Variants in NUP54 observed in about 807,000 individuals in gnomAD.
NUP54 encodes nucleoporin 54, also known as nucleoporin p54.
NUP54 carries 27 observed loss-of-function variants against 66.4 expected under a neutral mutation model. That is an observed-to-expected ratio of 0.41 (90% CI 0.30 to 0.56). The LOEUF (loss-of-function observed/expected upper bound fraction) is 0.56, where lower values mean the gene tolerates loss of function less well. Among genes scored for constraint, NUP54 ranks in the 20% least tolerant of loss-of-function variants. The pLI, the probability that NUP54 is intolerant of heterozygous loss-of-function variation, is 0.34. For synonymous variants in NUP54, 206 were observed against 210.7 expected (o/e 0.98, Z 0.19); for missense variants, 486 against 596.3 (o/e 0.82, Z 1.93).
rs934179774 is a variant in NUP54, at chr4:76,114,730, A to C, written c.*636T>G. 12 of 150,772 alleles carry C rather than the reference A, an allele frequency of 8.0e-5. No homozygotes were observed. Among genetic ancestry groups the C allele is most frequent in the Non-Finnish European group, 1.5e-4 (10 of 67,550 alleles). The allele number at this position is 150,772 out of a possible 1,614,324, so 9.3% of individuals were successfully genotyped here. A position where few individuals can be genotyped will look rare whatever the true frequency, so the allele number is the denominator to read the frequency against. On this transcript the variant is annotated 3_prime_UTR_variant, in exon 12 of 12. Transcript: ENST00000264883. Reference sequence around the variant, plus strand: ...TCTTTTTAGAAATAAAAAGGCTTAAAAAACAAAATGGTTGCAAAAATGGTT... The same window carrying C: ...TCTTTTTAGAAATAAAAAGGCTTAACAAACAAAATGGTTGCAAAAATGGTT...
Position 76,134,156 on chromosome 4 carries a change from T to C in NUP54, c.710+19A>G. 6.5e-7 allele frequency: 1 copy of C among 1,539,776 alleles called. No homozygotes were observed. Among genetic ancestry groups the C allele is most frequent in the South Asian group, 1.1e-5 (1 of 88,464 alleles). On this transcript the variant is annotated intron_variant, in intron 5 of 11. Transcript: ENST00000264883. Reference sequence around the variant, plus strand: ...GAAATAAATACACAGAAATAAACAGTATATTTATGTATACTTACTGATCAT... The same window carrying C: ...GAAATAAATACACAGAAATAAACAGCATATTTATGTATACTTACTGATCAT...
chr4:76,145,485 A>G, intron 1 of NUP54: 2 of 851,830 alleles, frequency 2.3e-6, no homozygotes, highest in Non-Finnish European at 3.1e-6. Context: ...TGTCTAAATT[A>G]ACTTATATTT....
chr4:76,129,326 TAAC>T (rs1452602988), intron 8 of NUP54, among the ~76,000 whole-genome samples: 1 of 152,108 alleles, frequency 6.6e-6, no homozygotes, highest in Non-Finnish European at 1.5e-5. Context: ...CAATCCTATA[TAAC>T]AACAGCCCTT....
chr4:76,143,959 A>G (rs971220364), intron 3 of NUP54, among the ~76,000 whole-genome samples, 190 bp downstream of exon 3: 1 of 152,230 alleles, frequency 6.6e-6, no homozygotes, highest in African/African-American at 2.4e-5. Context: ...GGGACCTTAT[A>G]ATCCTAACTG....
At chr4:76,136,464 A>G (rs763966132) in intron 3 of NUP54, 52 bp from the exon 4 acceptor site, 1 of 1,479,408 alleles carries the variant, frequency 6.8e-7, no homozygotes, top group Non-Finnish European at 9.4e-7. Context: ...ACAAAACTTA[A>G]TCCAGATCCT....
At chr4:76,128,919 C>T (rs111476942) in intron 8 of NUP54, among the ~76,000 whole-genome samples, 9 of 152,222 alleles carry the variant, frequency 5.9e-5, no homozygotes, top group African/African-American at 2.2e-4. Context: ...ATAGTGGCTA[C>T]TAGAGGTGGA....
intron 9 of NUP54, among the ~76,000 whole-genome samples, chr4:76,123,017 T>C (rs888666902): frequency 1.3e-5 from 2 of 152,226 alleles, no homozygotes; most frequent in African/African-American, 2.4e-5. Flanking sequence ...CAAACCCATA[T>C]AGGCAAAACT....
At chr4:76,122,820 G>C (rs1730293785) in intron 9 of NUP54, among the ~76,000 whole-genome samples, 1 of 152,090 alleles carries the variant, frequency 6.6e-6, no homozygotes, top group East Asian at 1.9e-4. Flanking sequence ...CATCAATTGA[G>C]TAAAATGTGG....
At chr4:76,122,077 T>C (rs1730259615) in intron 9 of NUP54, among the ~76,000 whole-genome samples, 1 of 152,238 alleles carries the variant, frequency 6.6e-6, no homozygotes, top group Non-Finnish European at 1.5e-5. Context: ...TTGCTATTCA[T>C]TTTTGGTTAC....
chr4:76,132,039 A>C (rs1346534244), intron 6 of NUP54, among the ~76,000 whole-genome samples: 2 of 152,148 alleles, frequency 1.3e-5, no homozygotes, highest in African/African-American at 4.8e-5. Flanking sequence ...ATCTACATGT[A>C]AATATGCTTA....
intron 7 of NUP54, 137 bp downstream of exon 7, chr4:76,131,092 TA>T: frequency 4.5e-6 from 3 of 668,716 alleles, no homozygotes; most frequent in Non-Finnish European, 7.9e-6. Context: ...AGCTGGACAA[TA>T]ATCAATATTT....
At chr4:76,123,635 C>T (rs530155289) in intron 9 of NUP54, among the ~76,000 whole-genome samples, 5 of 152,248 alleles carry the variant, frequency 3.3e-5, no homozygotes, top group Admixed American at 2.6e-4. Flanking sequence ...GCCTCAGCCT[C>T]CCAAGTAACT....
chr4:76,116,209 T>G (rs1260260491), intron 11 of NUP54, among the ~76,000 whole-genome samples: 4 of 152,212 alleles, frequency 2.6e-5, no homozygotes, highest in African/African-American at 4.8e-5. Flanking sequence ...TATTTCAATA[T>G]ACTGGAACCT....
chr4:76,117,555 A>G (rs1730005454), intron 11 of NUP54, 109 bp downstream of exon 11: 4 of 690,974 alleles, frequency 5.8e-6, no homozygotes, highest in African/African-American at 3.6e-5. Flanking sequence ...GAAAGTTCCA[A>G]TTTCTCCACA....
chr4:76,140,447 A>G (rs76723903), intron 3 of NUP54, among the ~76,000 whole-genome samples: 19,971 of 151,844 alleles, frequency 0.13, 1,540 homozygotes, highest in East Asian at 0.35. Context: ...TACCACGCCC[A>G]TCTAATTTTT....
At chr4:76,146,422 G>A (rs1731502583) in intron 1 of NUP54, among the ~76,000 whole-genome samples, 1 of 152,214 alleles carries the variant, frequency 6.6e-6, no homozygotes, top group Non-Finnish European at 1.5e-5. Flanking sequence ...ACAGTGATAT[G>A]TGATTACTTC....
Position 76,130,632 on chromosome 4 carries a change from G to A in NUP54, c.1056+24C>T, listed in dbSNP as rs779453242. On this transcript the variant is annotated intron_variant, in intron 8 of 11. Coordinates refer to ENST00000264883, the MANE Select transcript of NUP54 (RefSeq NM_017426.4). ...ATCCCTTTCCCTACTTCCAGGGCCA[G>A]GGAATAAAAAGCTAAATGCTTACAT... The A allele has an allele frequency of 4.7e-6, 7 of 1,492,754 alleles. No homozygotes were observed. The Admixed American group carries it at 5.0e-5, about 11-fold the overall frequency. The allele number at this position is 1,492,754 out of a possible 1,614,324, so 92.5% of individuals were successfully genotyped here.
At chr4:76,146,140 A>G in intron 1 of NUP54, 1 of 446,424 alleles carries the variant, frequency 2.2e-6, no homozygotes, top group Non-Finnish European at 4.5e-6. Flanking sequence ...CTGCAAGTAT[A>G]CAAAATAAAA....
In NUP54 at chr4:76,115,438, A is replaced by G. The variant is rs781229270; in HGVS notation, c.1452T>C (p.Asp484=). 5 of 1,611,250 alleles carry G rather than the reference A, an allele frequency of 3.1e-6. No homozygotes were observed. In the Admixed American group the frequency reaches 6.7e-5, roughly 22 times the overall value. Residue 484 remains aspartate, a synonymous_variant, in exon 12 of 12, where the codon GAT becomes GAC. Transcript: ENST00000264883. The stretch of plus-strand genomic sequence containing the variant: ...GTTCGACCAGCTTTATATCTTCTAG[A>G]TCGTCTTTAATGATGCTAATCAAAT... ...LSHLISIIKD[D]LEDIKLVEHG...
Sources: allele counts gnomAD v4.1 joint callset (sites outside exome capture counted in the v4.1 genomes callset), GRCh38; gene constraint gnomAD v4.1.1; transcripts MANE v1.5; gene names NCBI Gene and HGNC (gene_info 2026-07-23, HGNC 2026-07-21).